The following ERCC5 variants were observed in gnomAD, a reference collection of about 807,000 sequenced individuals.
ERCC5 encodes the protein DNA excision repair protein ERCC-5.
Under a neutral mutation model 105.6 loss-of-function variants are expected in ERCC5, and 68 were observed. That is an observed-to-expected ratio of 0.64 (90% confidence interval 0.53 to 0.79). The LOEUF (loss-of-function observed/expected upper bound fraction) is 0.79. Among genes scored for constraint, ERCC5 ranks in the 30% least tolerant of loss-of-function variants. The pLI is 0.00. For synonymous variants in ERCC5, 546 were observed against 526.2 expected, an observed-to-expected ratio of 1.04 and a Z score of -0.51; for missense variants, 1,373 against 1,426.7, an observed-to-expected ratio of 0.96 and a Z score of 0.61.
At position 102,866,650 on chromosome 13, in the gene ERCC5, G is replaced by A. The variant is rs1319701065; in HGVS notation, c.2338G>A (p.Gly780Ser). Reference protein sequence around the residue: ...LESQELLRLFGIPYIQAPMEA... With the variant: ...LESQELLRLFSIPYIQAPMEA... Reference sequence around the variant, plus strand: ...TCTGCAGGAACTCCTGCGCCTGTTCGGCATTCCCTACATCCAGGCTCCCAT... The same window carrying A: ...TCTGCAGGAACTCCTGCGCCTGTTCAGCATTCCCTACATCCAGGCTCCCAT... The change falls in exon 11 of 15, where the codon GGC becomes AGC. Residue 780 changes from glycine (G) to serine (S), a missense_variant. This residue lies in a region of ERCC5 where 1,004 missense variants were observed against 1,059.7 expected (regional missense o/e 0.95). Coordinates refer to ENST00000652225, the MANE Select transcript of ERCC5 (RefSeq NM_000123.4). 1.9e-6 allele frequency: 3 copies of A among 1,613,488 alleles called. No homozygotes were observed. Among genetic ancestry groups the A allele is most frequent in the Non-Finnish European group, 2.5e-6 (3 of 1,179,972 alleles).
At chr13:102,859,598 A>G (rs1294030103) in intron 6 of ERCC5, among the ~76,000 whole-genome samples, 1 of 152,242 alleles carries the variant, frequency 6.6e-6, no homozygotes, top group African/African-American at 2.4e-5. Context: ...AATGGGAGAA[A>G]GAGAGACAGT....
chr13:102,854,792 G>A (rs374955519), intron 4 of ERCC5, among the ~76,000 whole-genome samples: 34 of 152,118 alleles, frequency 2.2e-4, no homozygotes, highest in African/African-American at 8.0e-4. Flanking sequence ...TAGTGTGCTC[G>A]ACTTCTCTGC....
chr13:102,847,251 G>A (rs1882001811), intron 1 of ERCC5, among the ~76,000 whole-genome samples: 1 of 151,288 alleles, frequency 6.6e-6, no homozygotes, highest in South Asian at 2.1e-4. Context: ...TTAGCAAAAC[G>A]TGATACTGCT....
chr13:102,867,966 A>G, intron 11 of ERCC5, 147 bp from the exon 12 acceptor site: 1 of 849,716 alleles, frequency 1.2e-6, no homozygotes. Context: ...GCCATTGAAT[A>G]AAATAATTTA....
intron 14 of ERCC5, among the ~76,000 whole-genome samples, chr13:102,873,795 G>A (rs921041999): frequency 3.9e-5 from 6 of 152,120 alleles, no homozygotes; most frequent in African/African-American, 1.4e-4. Context: ...GTTTTTGTGG[G>A]AAGGAGCCCT....
intron 1 of ERCC5, among the ~76,000 whole-genome samples, chr13:102,848,702 A>G (rs1882075354): frequency 6.6e-6 from 1 of 152,162 alleles, no homozygotes; most frequent in African/African-American, 2.4e-5. Flanking sequence ...GCGTATATAA[A>G]CTTACTGAAA....
At chr13:102,866,429 T>C in intron 10 of ERCC5, 48 bp downstream of exon 10, 2 of 1,613,760 alleles carry the variant, frequency 1.2e-6, no homozygotes, top group Non-Finnish European at 8.5e-7. Context: ...TTCAGACCCC[T>C]GGGGGAATGC....
intron 10 of ERCC5, 95 bp downstream of exon 10, chr13:102,866,476 C>T: frequency 6.2e-7 from 1 of 1,609,052 alleles, no homozygotes; most frequent in Non-Finnish European, 8.5e-7. Context: ...CCCCCTGGTG[C>T]TCAGGGCCTG....
Position 102,865,785 on chromosome 13 carries a change from A to G in ERCC5, c.2073A>G (p.Gly691=). 6.2e-7 allele frequency: 1 copy of G among 1,614,170 alleles called. No homozygotes were observed. Among genetic ancestry groups the G allele is most frequent in the Non-Finnish European group, 8.5e-7 (1 of 1,180,028 alleles). ...AGGAACTGGTAGGAACTAGGGAGGGAGAAGCCCCTGCTGAGTCCGAGAGCC... is the reference window on the plus strand; with the variant it reads ...AGGAACTGGTAGGAACTAGGGAGGGGGAAGCCCCTGCTGAGTCCGAGAGCC... ...GEEELVGTRE[G]EAPAESESLL... The change falls in exon 9 of 15, where the codon GGA becomes GGG. Residue 691 remains glycine (G), a synonymous_variant. Transcript: ENST00000652225. This position sits in a 1 kb window ranked among gnomAD's most constrained non-coding sequence, Gnocchi z 4.0.
chr13:102,872,474 C>A, intron 13 of ERCC5, 76 bp downstream of exon 13: 1 of 1,554,122 alleles, frequency 6.4e-7, no homozygotes, highest in Non-Finnish European at 8.8e-7. Flanking sequence ...GGAAGAGAAA[C>A]TTGGATCATT....
chr13:102,846,472 G>T (rs974741139), intron 1 of ERCC5, 118 bp downstream of exon 1: 1 of 886,022 alleles, frequency 1.1e-6, no homozygotes, highest in Admixed American at 2.0e-5. Flanking sequence ...CGGGGTCGGG[G>T]TCGCTATAGA....
At chr13:102,852,084 A>G (rs187631841) in intron 1 of ERCC5, 34 bp from the exon 2 acceptor site, 5 of 1,613,108 alleles carry the variant, frequency 3.1e-6, no homozygotes, top group Middle Eastern at 1.7e-4. Flanking sequence ...GAAGAGAAAA[A>G]TCCCGGAGTT....
rs189414933 is a variant in ERCC5 at position 102,867,289 on chromosome 13, A to G, written c.2533+444A>G. Among the ~76,000 whole-genome samples, 150 of 152,384 alleles carry G rather than the reference A, an allele frequency of 9.8e-4. 1 individual carries two copies. Among genetic ancestry groups the G allele is most frequent in the Middle Eastern group, 3.4e-3 (1 of 294 alleles). On this transcript the variant is annotated intron_variant, in intron 11 of 14. Coordinates refer to ENST00000652225, the MANE Select transcript of ERCC5 (RefSeq NM_000123.4). ...GGAGAAACAGATGATAAGCAGATAC[A>G]TAAATCATAATTTGACAGTTGGTGG... is the stretch of plus-strand genomic sequence containing the variant.
chr13:102,850,973 TCA>T (rs1294152936), intron 1 of ERCC5, among the ~76,000 whole-genome samples: 2 of 152,208 alleles, frequency 1.3e-5, no homozygotes, highest in Non-Finnish European at 2.9e-5. Context: ...GAGCGCGGTG[TCA>T]CTCTTTCTTT....
In ERCC5 at chr13:102,865,474, T is replaced by A; in HGVS notation, c.1955-193T>A. 2 of 713,994 alleles carry A rather than the reference T, an allele frequency of 2.8e-6. No homozygotes were observed. Among genetic ancestry groups the A allele is most frequent in the South Asian group, 3.7e-5 (2 of 53,444 alleles). 44.2% of individuals were successfully genotyped at this position (713,994 alleles called of 1,614,324 possible). On this transcript the variant is annotated intron_variant, in intron 8 of 14. Coordinates refer to ENST00000652225, the MANE Select transcript of ERCC5 (RefSeq NM_000123.4). This position sits in a 1 kb window ranked among gnomAD's most constrained non-coding sequence, Gnocchi z 4.0. Reference sequence around the variant, plus strand: ...GCCAGTTTACCTAATTGAAAAGGCTTGTTTTGAAGTTACAGGCATTTGTGA... The same window carrying A: ...GCCAGTTTACCTAATTGAAAAGGCTAGTTTTGAAGTTACAGGCATTTGTGA...
intron 6 of ERCC5, 22 bp downstream of exon 6, chr13:102,858,440 T>G (rs371021933): frequency 1.8e-5 from 29 of 1,613,954 alleles, no homozygotes; most frequent in Non-Finnish European, 2.3e-5. Flanking sequence ...AACAGTACAT[T>G]CATGCTTAGA....
chr13:102,853,538 T>C (rs1477485343), intron 2 of ERCC5, among the ~76,000 whole-genome samples: 2 of 152,212 alleles, frequency 1.3e-5, no homozygotes, highest in Non-Finnish European at 1.5e-5. Flanking sequence ...TTCCCAAATA[T>C]ATTGTGTAGT....
chr13:102,860,883 TA>T (rs1449774697), intron 6 of ERCC5, among the ~76,000 whole-genome samples: 1 of 152,224 alleles, frequency 6.6e-6, no homozygotes, highest in Non-Finnish European at 1.5e-5. Context: ...ACCTACATTC[TA>T]GAAGATTGTT....
intron 2 of ERCC5, among the ~76,000 whole-genome samples, chr13:102,853,312 C>T (rs1402704786): frequency 6.6e-6 from 1 of 152,176 alleles, no homozygotes; most frequent in East Asian, 1.9e-4. Flanking sequence ...TATTTCTATA[C>T]ATTTTAGAAT....
Sources: gnomAD v4.1 joint callset for allele counts (sites outside exome capture counted in the v4.1 genomes callset) on GRCh38, gnomAD v4.1.1 for gene constraint, gnomAD v4.1.1 regional missense constraint, Gnocchi (gnomAD v3.1) non-coding constraint, MANE v1.5 for transcripts, NCBI Gene and HGNC (gene_info 2026-07-23, HGNC 2026-07-21) for gene names.